The following DIP2C variants were observed in gnomAD, a reference collection of about 807,000 sequenced individuals.
DIP2C encodes the protein disco-interacting protein 2 homolog C.
A neutral mutation model predicts 192.4 loss-of-function variants in DIP2C; 33 were observed. That is an observed-to-expected ratio of 0.17 (90% CI 0.13 to 0.23). The LOEUF is 0.23. Among genes scored for constraint, DIP2C ranks in the 10% least tolerant of loss-of-function variants. The pLI is 1.00. For missense variants in DIP2C, 1,537 were observed against 2,110.1 expected (o/e 0.73, Z 5.32); for synonymous variants, 979 against 864.1 (o/e 1.13, Z -2.33).
intron 1 of DIP2C, among the ~76,000 whole-genome samples, chr10:584,756 G>A (rs1374088200): frequency 9.6e-6 from 1 of 103,840 alleles, no homozygotes; most frequent in Non-Finnish European, 1.8e-5. Context: ...AGATAATCTC[G>A]GGGCCCACAA....
At chr10:553,793 G>A (rs568213710) in intron 1 of DIP2C, among the ~76,000 whole-genome samples, 8 of 151,718 alleles carry the variant, frequency 5.3e-5, no homozygotes, top group African/African-American at 7.3e-5. Flanking sequence ...AAGGTATACC[G>A]CTTGTAACTG....
At chr10:608,105 A>C (rs2131741589) in intron 1 of DIP2C, among the ~76,000 whole-genome samples, 2 of 145,476 alleles carry the variant, frequency 1.4e-5, no homozygotes, top group Middle Eastern at 6.9e-3. Flanking sequence ...CTAAAAAGGA[A>C]CACACACACC....
chr10:434,849 T>C (rs973493754), intron 4 of DIP2C, among the ~76,000 whole-genome samples: 7 of 152,238 alleles, frequency 4.6e-5, no homozygotes, highest in Non-Finnish European at 1.0e-4. Context: ...TTCTTATCTT[T>C]GATCCTCTAT....
intron 24 of DIP2C, among the ~76,000 whole-genome samples, chr10:350,083 G>A (rs749611880): frequency 3.9e-5 from 6 of 152,168 alleles, no homozygotes; most frequent in Non-Finnish European, 5.9e-5. Context: ...AACATCGCAA[G>A]AGTGTGGGAT....
At chr10:356,373 C>G (rs1372078883) in intron 24 of DIP2C, 53 bp downstream of exon 24, 2 of 1,596,414 alleles carry the variant, frequency 1.3e-6, no homozygotes, top group South Asian at 1.1e-5. Flanking sequence ...TCCCAGGAAC[C>G]AGGCTAGGCC....
At chr10:675,679 G>A (rs948133522) in intron 1 of DIP2C, among the ~76,000 whole-genome samples, 2 of 152,080 alleles carry the variant, frequency 1.3e-5, no homozygotes, top group Admixed American at 6.5e-5. Context: ...AGAGGAAATC[G>A]ATAGATTCCT....
At chr10:595,939 GCTT>G (rs1054364374) in intron 1 of DIP2C, among the ~76,000 whole-genome samples, 19 of 152,278 alleles carry the variant, frequency 1.2e-4, no homozygotes, top group African/African-American at 4.6e-4. Flanking sequence ...GGAGGAAAAA[GCTT>G]ATTTTTAAGC....
At chr10:377,141 GTTT>G (rs5782549) in intron 17 of DIP2C, among the ~76,000 whole-genome samples, 18 of 138,648 alleles carry the variant, frequency 1.3e-4, no homozygotes, top group South Asian at 2.3e-4. Flanking sequence ...GTGCAGCGCA[GTTT>G]TTTTTTTTTT....
intron 1 of DIP2C, among the ~76,000 whole-genome samples, chr10:495,327 TACCA>T (rs1844745884): frequency 6.6e-6 from 1 of 152,176 alleles, no homozygotes; most frequent in African/African-American, 2.4e-5. Flanking sequence ...AATAACAATG[TACCA>T]TCTGCCTGAA....
rs1316858128 is a variant in DIP2C at position 689,541 on chromosome 10, A to T, written c.38T>A (p.Leu13Gln). ...DRSLEGMALP[L>Q]EVRARLAELE... ...CTCGGCCAGGCGCGCCCGCACCTCCAGGGGCAGCGCCATGCCCTCCAGGCT... is the reference window on the plus strand; with the variant it reads ...CTCGGCCAGGCGCGCCCGCACCTCCTGGGGCAGCGCCATGCCCTCCAGGCT... Residue 13 changes from leucine (L) to glutamine (Q), a missense_variant, in exon 1 of 37, where the codon CTG becomes CAG. Leu to Gln is a moderately radical substitution (Grantham distance 113). Around this residue, in one of 4 missense-constraint regions of DIP2C, gnomAD observed 473 missense variants for 539.6 expected, o/e 0.88. Transcript: ENST00000280886. The surrounding 1 kb of genome is among the most constrained non-coding windows in gnomAD (Gnocchi z 6.1). 1.5e-6 allele frequency: 2 copies of T among 1,297,612 alleles called. No homozygotes were observed. Among genetic ancestry groups the T allele is most frequent in the Non-Finnish European group, 2.0e-6 (2 of 1,004,890 alleles). 80.4% of individuals were successfully genotyped at this position (1,297,612 alleles called of 1,614,324 possible).
At position 367,687 on chromosome 10, in the gene DIP2C, T is replaced by A. The variant is rs113089531; in HGVS notation, c.2132-1276A>T. ...TCACTGCAGCAGCAAAAGAGGGAAA[T>A]TCACCAAACGGGGGGGCTCAAATAA... On this transcript the variant is annotated intron_variant, in intron 18 of 36. Coordinates refer to ENST00000280886, the MANE Select transcript of DIP2C (RefSeq NM_014974.3). 9.8e-3 allele frequency among the ~76,000 whole-genome samples: 1,491 copies of A among 152,270 alleles called. 26 individuals carry two copies. The highest frequency in any genetic ancestry group is 0.034 in the African/African-American group (1,408 of 41,538).
rs749875998 is a variant in DIP2C, at chr10:366,454, G to C, written c.2132-43C>G. Reference sequence around the variant, plus strand: ...AGCACATGCAGTGTGAGAGGGGGCAGGTGGGGAGAATAAAGGAAACAGGGA... The same window carrying C: ...AGCACATGCAGTGTGAGAGGGGGCACGTGGGGAGAATAAAGGAAACAGGGA... On this transcript the variant is annotated intron_variant, in intron 18 of 36. Coordinates refer to ENST00000280886, the MANE Select transcript of DIP2C (RefSeq NM_014974.3). The C allele has an allele frequency of 8.7e-6, 14 of 1,612,524 alleles. No individual in the cohort carries two copies. In the East Asian group the frequency reaches 1.3e-4, roughly 15 times the overall value.
intron 34 of DIP2C, among the ~76,000 whole-genome samples, chr10:285,382 G>T (rs376181228): frequency 6.6e-6 from 1 of 152,188 alleles, no homozygotes; most frequent in East Asian, 1.9e-4. Flanking sequence ...ATTCAGGAAG[G>T]GGGGCGCCTC....
At chr10:571,722 C>T (rs562574261) in intron 1 of DIP2C, among the ~76,000 whole-genome samples, 4 of 152,278 alleles carry the variant, frequency 2.6e-5, no homozygotes, top group East Asian at 1.9e-4. Context: ...CCGTGGGCTC[C>T]GTGTCCACTC....
intron 1 of DIP2C, among the ~76,000 whole-genome samples, chr10:648,719 C>G (rs115961600): frequency 4.7e-4 from 49 of 104,120 alleles, no homozygotes; most frequent in African/African-American, 9.0e-4. Context: ...GAGAACAGAG[C>G]GAAACTGAGT....
intron 1 of DIP2C, among the ~76,000 whole-genome samples, chr10:515,709 G>A (rs1057365309): frequency 2.5e-5 from 3 of 121,946 alleles, no homozygotes; most frequent in Non-Finnish European, 5.2e-5. Flanking sequence ...GGGCAACAGA[G>A]TGAGACTGTC....
chr10:591,543 A>T (rs1851403676), intron 1 of DIP2C, among the ~76,000 whole-genome samples: 1 of 152,238 alleles, frequency 6.6e-6, no homozygotes. Flanking sequence ...TACAAATAAA[A>T]CATCATGTTT....
At chr10:281,584 G>A (rs987574642) in intron 35 of DIP2C, among the ~76,000 whole-genome samples, 2 of 152,210 alleles carry the variant, frequency 1.3e-5, no homozygotes, top group African/African-American at 4.8e-5. Flanking sequence ...ATCTTTCCTG[G>A]CTCAGCTTCG....
intron 3 of DIP2C, among the ~76,000 whole-genome samples, chr10:441,675 T>C (rs1236255293): frequency 6.6e-6 from 1 of 152,234 alleles, no homozygotes; most frequent in Non-Finnish European, 1.5e-5. Context: ...CCTCCCACCA[T>C]GATTCTGAGG....
Sources: allele counts gnomAD v4.1 joint callset (sites outside exome capture counted in the v4.1 genomes callset), GRCh38; gene constraint gnomAD v4.1.1; regional missense constraint gnomAD v4.1.1; non-coding constraint Gnocchi (gnomAD v3.1); transcripts MANE v1.5; gene names NCBI Gene and HGNC (gene_info 2026-07-23, HGNC 2026-07-21).